XRN1: variants seen among roughly 807,000 people sequenced by gnomAD.
The protein encoded by XRN1 is 5'-3' exoribonuclease 1.
XRN1 carries 67 observed loss-of-function variants against 222.3 expected under a neutral mutation model. The ratio of observed to expected loss-of-function variants is 0.30; its 90% CI spans 0.25 to 0.37. The LOEUF (loss-of-function observed/expected upper bound fraction) is 0.37, where lower values mean the gene tolerates loss of function less well. XRN1 is among the 10% of genes least tolerant of loss of function. The pLI is 1.00. For synonymous variants in XRN1, 643 were observed against 652.4 expected (o/e 0.99, Z 0.22); for missense variants, 1,707 against 2,000.2 (o/e 0.85, Z 2.80).
chr3:142,416,697 T>C (rs1284164987), intron 13 of XRN1, among the ~76,000 whole-genome samples: 2 of 152,246 alleles, frequency 1.3e-5, no homozygotes, highest in East Asian at 3.9e-4. Flanking sequence ...ATATTACCTA[T>C]GTTTCATTTA....
At chr3:142,407,913 T>C (rs2068409282) in intron 15 of XRN1, among the ~76,000 whole-genome samples, 1 of 152,262 alleles carries the variant, frequency 6.6e-6, no homozygotes, top group South Asian at 2.1e-4. Flanking sequence ...ACAAATGCAG[T>C]ACTTCAATAC....
intron 33 of XRN1, among the ~76,000 whole-genome samples, chr3:142,341,137 ATAT>A (rs2065981134): frequency 6.6e-6 from 1 of 152,176 alleles, no homozygotes; most frequent in Non-Finnish European, 1.5e-5. Context: ...AAACAGCAAA[ATAT>A]TATTAAGCAG....
rs967201477 is a variant in XRN1 at position 142,342,887 on chromosome 3, A to C, written c.3877+4347T>G. On this transcript the variant is annotated intron_variant, in intron 33 of 40. Transcript: ENST00000392981. ...GCAAAGATTTCTTGAGTAGTCCCCC[A>C]CAAGCACAGGCAACCAAAGCAAAAA... Among the ~76,000 whole-genome samples the C allele has an allele frequency of 3.9e-5, 6 of 152,294 alleles. No homozygotes were observed. In the South Asian group the frequency reaches 1.2e-3, roughly 32 times the overall value.
intron 18 of XRN1, among the ~76,000 whole-genome samples, chr3:142,401,138 G>A (rs944676342): frequency 6.6e-6 from 1 of 152,052 alleles, no homozygotes; most frequent in East Asian, 1.9e-4. Flanking sequence ...AGAAATACAA[G>A]CTCATTTCAG....
chr3:142,322,450 G>C (rs2065382006), intron 37 of XRN1, among the ~76,000 whole-genome samples: 1 of 152,164 alleles, frequency 6.6e-6, no homozygotes, highest in African/African-American at 2.4e-5. Flanking sequence ...ACTCTGGGAG[G>C]CTGAGGCAGG....
At position 142,409,794 on chromosome 3, in the gene XRN1, C is replaced by A. The variant is rs553914481; in HGVS notation, c.1713+2750G>T. Among the ~76,000 whole-genome samples the A allele has an allele frequency of 1.8e-4, 27 of 152,282 alleles. No individual in the cohort carries two copies. In the Middle Eastern group the frequency reaches 0.014, roughly 77 times the overall value. Reference sequence around the variant, plus strand: ...TTCATATCCATGAACATGATATAATCCCTTCATTTACTTAGGTTTTCCATC... The same window carrying A: ...TTCATATCCATGAACATGATATAATACCTTCATTTACTTAGGTTTTCCATC... On this transcript the variant is annotated intron_variant, in intron 15 of 40. Transcript: ENST00000392981.
chr3:142,354,484 G>A (rs569017989), intron 32 of XRN1, among the ~76,000 whole-genome samples: 11 of 152,264 alleles, frequency 7.2e-5, no homozygotes, highest in African/African-American at 2.6e-4. Context: ...ACATATATGA[G>A]TTGCATTTGC....
chr3:142,399,689 T>G (rs2068055214), intron 19 of XRN1, among the ~76,000 whole-genome samples: 2 of 151,868 alleles, frequency 1.3e-5, no homozygotes, highest in African/African-American at 4.8e-5. Context: ...GTACTGGCAC[T>G]GACTTCTCAT....
chr3:142,409,449 T>C (rs1414285642), intron 15 of XRN1, among the ~76,000 whole-genome samples: 1 of 152,186 alleles, frequency 6.6e-6, no homozygotes, highest in African/African-American at 2.4e-5. Context: ...ACTGAATGCT[T>C]TGGTGCCTTA....
intron 37 of XRN1, 86 bp downstream of exon 37, chr3:142,329,348 T>G: frequency 9.9e-7 from 1 of 1,008,298 alleles, no homozygotes; most frequent in Non-Finnish European, 1.3e-6. Flanking sequence ...GGCCCCATTT[T>G]ATTTTTTCTA....
intron 34 of XRN1, among the ~76,000 whole-genome samples, chr3:142,334,769 C>CAT (rs777985018): frequency 7.6e-6 from 1 of 131,326 alleles, no homozygotes; most frequent in African/African-American, 2.8e-5. Flanking sequence ...TCTATGTATA[C>CAT]ACACACACAC....
chr3:142,414,875 A>G (rs79266044), intron 13 of XRN1, among the ~76,000 whole-genome samples: 4,829 of 152,302 alleles, frequency 0.032, 242 homozygotes, highest in African/African-American at 0.11. Flanking sequence ...GTATAATGTA[A>G]TGCTTTTTTT....
Position 142,359,941 on chromosome 3 carries a change from T to C in XRN1, c.3395-10A>G, listed in dbSNP as rs1244077337. On this transcript the variant is annotated splice_polypyrimidine_tract_variant and intron_variant, in intron 29 of 40. Transcript: ENST00000392981. ...TCGGCTTCTCTATTAGCTGTTACAA[T>C]AGGGAGAGAAAAAGAGACACTAAAA... 2.4e-5 allele frequency: 37 copies of C among 1,573,684 alleles called. No individual in the cohort carries two copies. The highest frequency in any genetic ancestry group is 2.4e-5 in the Non-Finnish European group (28 of 1,158,776).
chr3:142,363,457 T>C (rs2066715355), intron 29 of XRN1, among the ~76,000 whole-genome samples: 1 of 152,216 alleles, frequency 6.6e-6, no homozygotes, highest in African/African-American at 2.4e-5. Context: ...CAATTGACCA[T>C]ACAGGTTTGG....
Position 142,447,964 on chromosome 3 carries a change from C to T in XRN1, c.-20G>A. On this transcript the variant is annotated 5_prime_UTR_variant, in exon 1 of 41. Transcript: ENST00000392981. This position sits in a 1 kb window ranked among gnomAD's most constrained non-coding sequence, Gnocchi z 4.2. ...TCCCATTTCGATCGTCAACACTAAT[C>T]CCAGTCAGGGCCAAACCGAAACCAA... 1 of 1,612,812 alleles carries T rather than the reference C, an allele frequency of 6.2e-7. No individual in the cohort carries two copies. Among genetic ancestry groups the T allele is most frequent in the Non-Finnish European group, 8.5e-7 (1 of 1,179,454 alleles).
At chr3:142,377,595 C>T (rs924233798) in intron 23 of XRN1, among the ~76,000 whole-genome samples, 4 of 152,132 alleles carry the variant, frequency 2.6e-5, no homozygotes, top group Non-Finnish European at 5.9e-5. Flanking sequence ...CATAACTGTC[C>T]TGCCCAAATT....
At chr3:142,395,589 T>C (rs1255916054) in intron 20 of XRN1, among the ~76,000 whole-genome samples, 1 of 152,226 alleles carries the variant, frequency 6.6e-6, no homozygotes, top group Non-Finnish European at 1.5e-5. Flanking sequence ...GTTGTCAATT[T>C]CTACTGTGTC....
chr3:142,319,570 G>T (rs934489753), intron 37 of XRN1, among the ~76,000 whole-genome samples: 3 of 151,900 alleles, frequency 2.0e-5, no homozygotes. Context: ...TAGTTACATG[G>T]ATATACTACA....
chr3:142,432,956 G>T lies in XRN1; in HGVS notation c.76-63C>A. 4 of 1,236,324 alleles carry T rather than the reference G, an allele frequency of 3.2e-6. No individual in the cohort carries two copies. The East Asian group carries it at 7.2e-5, about 22-fold the overall frequency. 76.6% of individuals were successfully genotyped at this position (1,236,324 alleles called of 1,614,324 possible). The stretch of plus-strand genomic sequence containing the variant: ...TAATCAACTACAGATATCTTAAGCA[G>T]CAGGGAAAAGTGATTATTCAATGAT... On this transcript the variant is annotated intron_variant, in intron 1 of 40. Transcript: ENST00000392981.
Sources: gnomAD v4.1 joint callset for allele counts (sites outside exome capture counted in the v4.1 genomes callset) on GRCh38, gnomAD v4.1.1 for gene constraint, Gnocchi (gnomAD v3.1) non-coding constraint, MANE v1.5 for transcripts, NCBI Gene and HGNC (gene_info 2026-07-23, HGNC 2026-07-21) for gene names.